MARCHF4: variants seen among roughly 807,000 people sequenced by gnomAD.
The protein encoded by MARCHF4 is E3 ubiquitin-protein ligase MARCHF4.
MARCHF4 carries 14 observed loss-of-function variants against 43.9 expected under a neutral mutation model. That is an observed-to-expected ratio of 0.32 (90% CI 0.21 to 0.50). The LOEUF (loss-of-function observed/expected upper bound fraction) is 0.50, where lower values mean the gene tolerates loss of function less well. Ranked by LOEUF, MARCHF4 falls within the 20% of genes least tolerant of loss-of-function variation. The pLI is 0.98. For synonymous variants in MARCHF4, 226 were observed against 213.3 expected (o/e 1.06, Z -0.52); for missense variants, 468 against 536.7 (o/e 0.87, Z 1.27).
At chr2:216,346,061 C>T (rs752628765) in intron 1 of MARCHF4, among the ~76,000 whole-genome samples, 8 of 152,246 alleles carry the variant, frequency 5.3e-5, no homozygotes, top group South Asian at 4.1e-4. Context: ...TGTTGTCTCT[C>T]GGGCTTAACA....
intron 1 of MARCHF4, among the ~76,000 whole-genome samples, chr2:216,360,069 C>T (rs1692553380): frequency 1.3e-5 from 2 of 152,086 alleles, no homozygotes; most frequent in South Asian, 4.1e-4. Flanking sequence ...TTGGAATTCT[C>T]AAAGTCAGAG....
intron 3 of MARCHF4, among the ~76,000 whole-genome samples, chr2:216,265,111 A>G (rs922182932): frequency 1.3e-5 from 2 of 152,170 alleles, no homozygotes; most frequent in Non-Finnish European, 2.9e-5. Context: ...GTGGATAGAG[A>G]AATAGACTGG....
chr2:216,354,521 C>T (rs947031084), intron 1 of MARCHF4, among the ~76,000 whole-genome samples: 3 of 152,154 alleles, frequency 2.0e-5, no homozygotes, highest in South Asian at 2.1e-4. Context: ...GTTCTCAGCA[C>T]GCCAGTTTCT....
intron 3 of MARCHF4, among the ~76,000 whole-genome samples, chr2:216,263,698 C>A (rs1690796281): frequency 6.6e-6 from 1 of 152,038 alleles, no homozygotes; most frequent in African/African-American, 2.4e-5. Flanking sequence ...CCAGACCCCA[C>A]AAGACACAGT....
intron 1 of MARCHF4, among the ~76,000 whole-genome samples, chr2:216,328,962 G>A (rs374605338): frequency 1.8e-4 from 28 of 152,220 alleles, no homozygotes; most frequent in East Asian, 7.7e-4. Flanking sequence ...CACTTGAACC[G>A]GTGAGGTGGA....
rs1248920423 is a variant in MARCHF4, at chr2:216,370,105, G to C, written c.156C>G (p.Phe52Leu). 1 of 1,596,226 alleles carries C rather than the reference G, an allele frequency of 6.3e-7. No individual in the cohort carries two copies. Among genetic ancestry groups the C allele is most frequent in the African/African-American group, 1.3e-5 (1 of 74,718 alleles). Residue 52 changes from phenylalanine to leucine, a missense_variant, in exon 1 of 4, where the codon TTC becomes TTG. This residue lies in a region of MARCHF4 where 190 missense variants were observed against 158.5 expected (regional missense o/e 1.20). Coordinates refer to ENST00000273067, the MANE Select transcript of MARCHF4 (RefSeq NM_020814.3). ...CRMLFNDLKV[F>L]LLRRPPQAPL... ...GCGCTTGAGGAGGGCGCCGCAGTAA[G>C]AAAACCTTCAGGTCATTGAAGAGCA...
At chr2:216,277,380 T>C (rs1050852246) in intron 3 of MARCHF4, among the ~76,000 whole-genome samples, 2 of 152,186 alleles carry the variant, frequency 1.3e-5, no homozygotes, top group African/African-American at 4.8e-5. Context: ...CTGCTTGAAG[T>C]ACATAGACTA....
rs2105944057 is a variant in MARCHF4 at position 216,289,494 on chromosome 2, T to C, written c.517-5765A>G. On this transcript the variant is annotated intron_variant, in intron 1 of 3. Transcript: ENST00000273067. Reference sequence around the variant, plus strand: ...AAACTTGTGATGGTTGAGGAGAAATTGTTTCCCTCCCAACACTGCCAATAA... The same window carrying C: ...AAACTTGTGATGGTTGAGGAGAAATCGTTTCCCTCCCAACACTGCCAATAA... 1.3e-5 allele frequency among the ~76,000 whole-genome samples: 2 copies of C among 152,332 alleles called. 1 individual carries two copies. The highest frequency in any genetic ancestry group is 6.8e-3 in the Middle Eastern group (2 of 294).
intron 1 of MARCHF4, among the ~76,000 whole-genome samples, chr2:216,322,556 T>G (rs113195980): frequency 0.11 from 17,432 of 152,260 alleles, 1,029 homozygotes; most frequent in Middle Eastern, 0.17. Flanking sequence ...GCACGGTGGC[T>G]CACGCCTGTA....
chr2:216,345,525 A>T (rs185653608), intron 1 of MARCHF4, among the ~76,000 whole-genome samples: 2 of 152,180 alleles, frequency 1.3e-5, no homozygotes, highest in African/African-American at 4.8e-5. Context: ...GGGATTTGCA[A>T]CCCTGTCTGC....
intron 1 of MARCHF4, among the ~76,000 whole-genome samples, chr2:216,318,765 A>T (rs567988544): frequency 6.6e-6 from 1 of 152,136 alleles, no homozygotes; most frequent in African/African-American, 2.4e-5. Flanking sequence ...TTGGGTTAAC[A>T]CACAGAAAGC....
chr2:216,359,598 C>T (rs781341598), intron 1 of MARCHF4, among the ~76,000 whole-genome samples: 100 of 152,276 alleles, frequency 6.6e-4, no homozygotes, highest in Non-Finnish European at 6.9e-4. Flanking sequence ...AAGCTTCAGT[C>T]GCATTTGCAG....
intron 3 of MARCHF4, among the ~76,000 whole-genome samples, chr2:216,270,793 C>T (rs954824229): frequency 3.9e-5 from 6 of 152,114 alleles, no homozygotes; most frequent in Admixed American, 3.3e-4. Context: ...CACTCTGGGA[C>T]TCTCACTCTC....
intron 1 of MARCHF4, among the ~76,000 whole-genome samples, chr2:216,368,107 C>G (rs980067482): frequency 1.3e-5 from 2 of 152,238 alleles, no homozygotes; most frequent in Non-Finnish European, 2.9e-5. Context: ...AGAAGCCACA[C>G]TCTCAGAAGC....
chr2:216,362,760 A>G (rs78474600), intron 1 of MARCHF4, among the ~76,000 whole-genome samples: 314 of 152,362 alleles, frequency 2.1e-3, no homozygotes, highest in African/African-American at 7.4e-3. Context: ...GTCATGAGAC[A>G]GTCAGCCCTG....
chr2:216,369,509 C>G (rs762432581), intron 1 of MARCHF4, among the ~76,000 whole-genome samples: 1 of 152,206 alleles, frequency 6.6e-6, no homozygotes, highest in Non-Finnish European at 1.5e-5. Context: ...ATTGGAGACA[C>G]TAGCATTGGA....
At chr2:216,293,625 G>GTTAAAGACTGA (rs1691347731) in intron 1 of MARCHF4, among the ~76,000 whole-genome samples, 1 of 135,404 alleles carries the variant, frequency 7.4e-6, no homozygotes, top group Admixed American at 7.3e-5. Context: ...ACAGATCCAA[G>GTTAAAGACTGA]CCAAACCCTC....
intron 1 of MARCHF4, among the ~76,000 whole-genome samples, chr2:216,353,566 G>C (rs1398328626): frequency 6.6e-6 from 1 of 151,900 alleles, no homozygotes; most frequent in Non-Finnish European, 1.5e-5. Flanking sequence ...CTTTTTTTCT[G>C]CGATGGAGTC....
chr2:216,259,557 C>G lies in MARCHF4; in HGVS notation c.988G>C (p.Gly330Arg). The G allele has an allele frequency of 6.2e-7, 1 of 1,614,172 alleles. No individual in the cohort carries two copies. The highest frequency in any genetic ancestry group is 8.5e-7 in the Non-Finnish European group (1 of 1,180,028). ...GAGGAGGTCCGGGGGTTGGTCCTGC[C>G]TCCTGCCTTTTGATCCTCCAGGTCT... Reference protein sequence around the residue: ...TKDLEDQKAGGRTNPRTSSST... With the variant: ...TKDLEDQKAGRRTNPRTSSST... The change falls in exon 4 of 4, where the codon GGC becomes CGC. Residue 330 changes from glycine to arginine, a missense_variant. Physicochemically the swap from Gly to Arg is moderately radical, Grantham distance 125 (BLOSUM62 -2). Coordinates refer to ENST00000273067, the MANE Select transcript of MARCHF4 (RefSeq NM_020814.3).
Sources: gnomAD v4.1 joint callset for allele counts (sites outside exome capture counted in the v4.1 genomes callset) on GRCh38, gnomAD v4.1.1 for gene constraint, gnomAD v4.1.1 regional missense constraint, MANE v1.5 for transcripts, NCBI Gene and HGNC (gene_info 2026-07-23, HGNC 2026-07-21) for gene names.